Variants in DLEU7 observed in about 807,000 individuals in gnomAD.
DLEU7 encodes the protein deleted in lymphocytic leukemia 7.
Under a neutral mutation model 16.0 loss-of-function variants are expected in DLEU7, and 17 were observed. The observed-to-expected ratio is 1.06, with a 90% CI of 0.73 to 1.59. The LOEUF (loss-of-function observed/expected upper bound fraction) is 1.59. Ranked by LOEUF, DLEU7 falls within the 40% of genes most tolerant of loss-of-function variation. The pLI, the probability that DLEU7 is intolerant of heterozygous loss-of-function variation, is 0.00. For missense variants in DLEU7, 308 were observed against 314.9 expected, an observed-to-expected ratio of 0.98 and a Z score of 0.17; for synonymous variants, 113 against 139.8, an observed-to-expected ratio of 0.81 and a Z score of 1.35.
chr13:50,735,649 TA>T (rs1404514181), intron 1 of DLEU7, among the ~76,000 whole-genome samples: 1 of 151,908 alleles, frequency 6.6e-6, no homozygotes, highest in Non-Finnish European at 1.5e-5. Context: ...ATAAGGAACT[TA>T]AACACATTTA....
At chr13:50,815,764 C>T (rs1876715865) in intron 1 of DLEU7, among the ~76,000 whole-genome samples, 1 of 152,060 alleles carries the variant, frequency 6.6e-6, no homozygotes, top group Admixed American at 6.6e-5. Context: ...AGAAGCAAGT[C>T]CCAGAAAACA....
At chr13:50,751,713 T>C (rs1479979666) in intron 1 of DLEU7, among the ~76,000 whole-genome samples, 2 of 152,222 alleles carry the variant, frequency 1.3e-5, no homozygotes, top group African/African-American at 2.4e-5. Context: ...TGCTAGTTTA[T>C]ATGCATAAAG....
chr13:50,758,025 ATTTTTTTT>A (rs5803530), intron 1 of DLEU7, among the ~76,000 whole-genome samples: 10 of 89,110 alleles, frequency 1.1e-4, no homozygotes, highest in African/African-American at 3.5e-4. Flanking sequence ...CATTACCAAG[ATTTTTTTT>A]TTTTTTTTTT....
chr13:50,713,849 G>T (rs2137699215), intron 1 of DLEU7, among the ~76,000 whole-genome samples: 1 of 152,308 alleles, frequency 6.6e-6, no homozygotes, highest in African/African-American at 2.4e-5. Context: ...TAAGGAAGTT[G>T]TCTCCCACCT....
intron 1 of DLEU7, among the ~76,000 whole-genome samples, chr13:50,734,373 G>A (rs887816755): frequency 2.0e-5 from 3 of 151,996 alleles, no homozygotes; most frequent in African/African-American, 4.8e-5. Flanking sequence ...CCACCTTATC[G>A]TCCTCTGAGT....
intron 1 of DLEU7, among the ~76,000 whole-genome samples, chr13:50,805,481 C>T (rs1228658352): frequency 6.6e-6 from 1 of 151,998 alleles, no homozygotes; most frequent in Admixed American, 6.5e-5. Context: ...TGTAATAATC[C>T]TAACAGTTAT....
chr13:50,831,443 CA>C (rs1428678563), intron 1 of DLEU7, among the ~76,000 whole-genome samples: 2 of 152,000 alleles, frequency 1.3e-5, no homozygotes, highest in African/African-American at 4.8e-5. Context: ...CCCCTGTAAC[CA>C]AAATAAATAA....
intron 1 of DLEU7, among the ~76,000 whole-genome samples, chr13:50,747,530 A>G (rs999320450): frequency 5.3e-5 from 8 of 152,094 alleles, no homozygotes; most frequent in African/African-American, 1.4e-4. Flanking sequence ...ACCTCCTTTC[A>G]TAGATGGAGA....
intron 1 of DLEU7, among the ~76,000 whole-genome samples, chr13:50,760,716 T>C (rs1289847393): frequency 6.6e-6 from 1 of 152,222 alleles, no homozygotes. Context: ...GAAAATTTAA[T>C]CAAGCAAATT....
At chr13:50,761,927 A>T (rs906493527) in intron 1 of DLEU7, among the ~76,000 whole-genome samples, 1 of 152,126 alleles carries the variant, frequency 6.6e-6, no homozygotes, top group African/African-American at 2.4e-5. Flanking sequence ...ACGGTGGCTC[A>T]CGCCTGTAAT....
intron 1 of DLEU7, among the ~76,000 whole-genome samples, chr13:50,737,352 C>T (rs1426117850): frequency 6.6e-6 from 1 of 151,912 alleles, no homozygotes; most frequent in African/African-American, 2.4e-5. Flanking sequence ...ACAGGTATAC[C>T]TCATTTTATT....
At chr13:50,762,885 G>C (rs1324672164) in intron 1 of DLEU7, among the ~76,000 whole-genome samples, 1 of 151,932 alleles carries the variant, frequency 6.6e-6, no homozygotes, top group Admixed American at 6.5e-5. Context: ...ATCCAGGAAG[G>C]GATGTTGCAG....
intron 1 of DLEU7, among the ~76,000 whole-genome samples, chr13:50,715,893 T>G (rs2796882): frequency 0.25 from 38,318 of 151,958 alleles, 5,975 homozygotes; most frequent in African/African-American, 0.44. Flanking sequence ...GAAAGGTAAG[T>G]TTGGCTGTCA....
At chr13:50,736,493 G>A (rs1874074470) in intron 1 of DLEU7, among the ~76,000 whole-genome samples, 1 of 151,988 alleles carries the variant, frequency 6.6e-6, no homozygotes, top group Non-Finnish European at 1.5e-5. Context: ...CATATACGCA[G>A]AACCTAAAAT....
intron 1 of DLEU7, among the ~76,000 whole-genome samples, chr13:50,747,352 G>C (rs1661496108): frequency 1.0e-5 from 1 of 99,428 alleles, no homozygotes; most frequent in South Asian, 2.5e-4. Context: ...GTGTGTGTGT[G>C]TGTGTGTGTG....
intron 1 of DLEU7, among the ~76,000 whole-genome samples, chr13:50,793,359 G>A (rs1470041199): frequency 6.6e-6 from 1 of 152,056 alleles, no homozygotes; most frequent in African/African-American, 2.4e-5. Flanking sequence ...TTTCCTTTGG[G>A]TAGATACCCA....
chr13:50,762,416 T>C (rs1874965512), intron 1 of DLEU7, among the ~76,000 whole-genome samples: 1 of 152,140 alleles, frequency 6.6e-6, no homozygotes, highest in South Asian at 2.1e-4. Flanking sequence ...TCTCAGAATC[T>C]AGACAGCTCA....
intron 1 of DLEU7, among the ~76,000 whole-genome samples, chr13:50,777,807 T>A (rs1265546961): frequency 6.6e-6 from 1 of 152,198 alleles, no homozygotes; most frequent in Admixed American, 6.5e-5. Flanking sequence ...GAGCTTTAGT[T>A]TATGTAAATT....
intron 1 of DLEU7, among the ~76,000 whole-genome samples, chr13:50,790,963 A>C (rs1450759277): frequency 6.6e-6 from 1 of 152,168 alleles, no homozygotes; most frequent in Non-Finnish European, 1.5e-5. Flanking sequence ...GTGGCAGGGA[A>C]GGGGACACGG....
Sources: allele counts gnomAD v4.1 joint callset (sites outside exome capture counted in the v4.1 genomes callset), GRCh38; gene constraint gnomAD v4.1.1; transcripts MANE v1.5; gene names NCBI Gene and HGNC (gene_info 2026-07-23, HGNC 2026-07-21).